Variants in THAP4 observed in about 807,000 individuals in gnomAD.
THAP4 encodes peroxynitrite isomerase THAP4.
A neutral mutation model predicts 48.1 loss-of-function variants in THAP4; 18 were observed. The ratio of observed to expected loss-of-function variants is 0.37; its 90% CI spans 0.26 to 0.56. THAP4 has a LOEUF of 0.56. Ranked by LOEUF, THAP4 falls within the 20% of genes least tolerant of loss-of-function variation. The pLI is 0.78. For synonymous variants in THAP4, 345 were observed against 324.9 expected (o/e 1.06, Z -0.66); for missense variants, 656 against 774.9 (o/e 0.85, Z 1.82).
At chr2:241,593,941 CCA>C (rs1364916852) in intron 5 of THAP4, among the ~76,000 whole-genome samples, 1 of 152,136 alleles carries the variant, frequency 6.6e-6, no homozygotes, top group Non-Finnish European at 1.5e-5. Flanking sequence ...TGCCTCAGCC[CCA>C]CAAAGTGTTG....
rs2067290342 is a variant in THAP4, at chr2:241,612,543, A to T, written c.1241-6070T>A. ...CAACACAGATGTCCGTCAACCAATG[A>T]GTAAACAAACTGCAGTATATCCAGA... On this transcript the variant is annotated intron_variant, in intron 2 of 5. Transcript: ENST00000407315. The surrounding 1 kb of genome is among the most constrained non-coding windows in gnomAD (Gnocchi z 4.1). 6.6e-6 allele frequency among the ~76,000 whole-genome samples: 1 copy of T among 152,270 alleles called. No individual in the cohort carries two copies. Among genetic ancestry groups the T allele is most frequent in the Non-Finnish European group, 1.5e-5 (1 of 68,050 alleles).
chr2:241,631,216 G>A (rs529296359), intron 2 of THAP4, among the ~76,000 whole-genome samples: 1 of 152,062 alleles, frequency 6.6e-6, no homozygotes, highest in Non-Finnish European at 1.5e-5. Context: ...CTTTGTTTTC[G>A]GTTGTGCTAA....
At chr2:241,637,458 A>C, upstream of THAP4, 1 of 1,468,172 alleles carries the variant, frequency 6.8e-7, no homozygotes, top group African/African-American at 1.5e-5. Flanking sequence ...CCCATGGCAC[A>C]CAGTGTCCCG....
At chr2:241,609,183 G>C (rs766666700) in intron 2 of THAP4, among the ~76,000 whole-genome samples, 7 of 152,240 alleles carry the variant, frequency 4.6e-5, no homozygotes, top group Non-Finnish European at 7.3e-5. Flanking sequence ...CAGTGGAAAG[G>C]ACCTAGCTTC....
At chr2:241,621,543 G>C (rs934507512) in intron 2 of THAP4, among the ~76,000 whole-genome samples, 15 of 152,146 alleles carry the variant, frequency 9.9e-5, no homozygotes, top group Middle Eastern at 3.4e-3. Context: ...GATGGATATG[G>C]CTGAAGAAAG....
intron 5 of THAP4, among the ~76,000 whole-genome samples, chr2:241,594,264 G>C (rs900358558): frequency 1.3e-5 from 2 of 152,132 alleles, no homozygotes; most frequent in African/African-American, 4.8e-5. Context: ...GACAGCTAAA[G>C]GGTACCAGGT....
At chr2:241,634,569 A>G (rs2067613562) in intron 1 of THAP4, among the ~76,000 whole-genome samples, 1 of 152,250 alleles carries the variant, frequency 6.6e-6, no homozygotes, top group Non-Finnish European at 1.5e-5. Flanking sequence ...CAAGCAGCTG[A>G]GAATCTGGAG....
In THAP4 at chr2:241,610,164, G is replaced by T. The variant is rs1009049504; in HGVS notation, c.1241-3691C>A. On this transcript the variant is annotated intron_variant, in intron 2 of 5. Coordinates refer to ENST00000407315, the MANE Select transcript of THAP4 (RefSeq NM_015963.6). This position sits in a 1 kb window ranked among gnomAD's most constrained non-coding sequence, Gnocchi z 4.2. ...ACAGGGGCACCAGGGCCGCGGCGCC[G>T]GGCATGGCCTTCACACTCCCCACGA... 6.6e-6 allele frequency among the ~76,000 whole-genome samples: 1 copy of T among 152,194 alleles called. No homozygotes were observed. The highest frequency in any genetic ancestry group is 2.4e-5 in the African/African-American group (1 of 41,460).
At chr2:241,595,413 G>A (rs554500209) in intron 5 of THAP4, among the ~76,000 whole-genome samples, 103 of 152,196 alleles carry the variant, frequency 6.8e-4, no homozygotes, top group African/African-American at 2.4e-3. Context: ...TGAGCTGGGC[G>A]GATCACCTAA....
intron 5 of THAP4, among the ~76,000 whole-genome samples, chr2:241,585,654 C>G (rs1180933390): frequency 6.6e-6 from 1 of 151,906 alleles, no homozygotes. Context: ...GGGGTGGAGG[C>G]TGAGAGGGAT....
chr2:241,611,981 C>T (rs758115855), intron 2 of THAP4, among the ~76,000 whole-genome samples: 10 of 152,112 alleles, frequency 6.6e-5, no homozygotes, highest in Admixed American at 1.3e-4. Context: ...CGGTTCACTG[C>T]GGCCTAGACC....
At position 241,631,217 on chromosome 2, in the gene THAP4, G is replaced by T. The variant is rs572028079; in HGVS notation, c.1240+1700C>A. ...ACATGTCGGATGGGCTTTGTTTTCGGTTGTGCTAATAGCTGTTACCCTGAG... is the reference window on the plus strand; with the variant it reads ...ACATGTCGGATGGGCTTTGTTTTCGTTTGTGCTAATAGCTGTTACCCTGAG... On this transcript the variant is annotated intron_variant, in intron 2 of 5. Transcript: ENST00000407315. 2.6e-5 allele frequency among the ~76,000 whole-genome samples: 4 copies of T among 152,248 alleles called. No homozygotes were observed. In the East Asian group the frequency reaches 7.7e-4, roughly 29 times the overall value.
In THAP4 at chr2:241,610,341, C is replaced by G. The variant is rs1295678889; in HGVS notation, c.1241-3868G>C. 6.6e-6 allele frequency among the ~76,000 whole-genome samples: 1 copy of G among 152,196 alleles called. No homozygotes were observed. The highest frequency in any genetic ancestry group is 6.5e-5 in the Admixed American group (1 of 15,286). On this transcript the variant is annotated intron_variant, in intron 2 of 5. Coordinates refer to ENST00000407315, the MANE Select transcript of THAP4 (RefSeq NM_015963.6). This position sits in a 1 kb window ranked among gnomAD's most constrained non-coding sequence, Gnocchi z 4.2. The stretch of plus-strand genomic sequence containing the variant: ...CCGCCCTCTCTTGCGCCTGCGGGAC[C>G]GGGAGGGCCGCGCTCGCCCCCCAGC...
At chr2:241,618,972 T>A (rs2067379031) in intron 2 of THAP4, among the ~76,000 whole-genome samples, 1 of 152,096 alleles carries the variant, frequency 6.6e-6, no homozygotes, top group Non-Finnish European at 1.5e-5. Flanking sequence ...GGGAAGGGCA[T>A]TTCACTGCTC....
At chr2:241,600,494 G>A (rs1358342680) in intron 5 of THAP4, among the ~76,000 whole-genome samples, 7 of 152,212 alleles carry the variant, frequency 4.6e-5, no homozygotes, top group Admixed American at 2.0e-4. Flanking sequence ...TTGGGAGGCC[G>A]AGGCAGGTGG....
At position 241,632,843 on chromosome 2, in the gene THAP4, G is replaced by A; in HGVS notation, c.1240+74C>T. On this transcript the variant is annotated intron_variant, in intron 2 of 5. Transcript: ENST00000407315. ...GTGACACCTCCCAGAAATGCTCAGG[G>A]GACGCTGGCCACCTTGCAGAGAAAC... 5 of 1,223,148 alleles carry A rather than the reference G, an allele frequency of 4.1e-6. No individual in the cohort carries two copies. In the South Asian group the frequency reaches 6.2e-5, roughly 15 times the overall value. 75.8% of individuals were successfully genotyped at this position (1,223,148 alleles called of 1,614,324 possible).
chr2:241,615,958 G>A (rs2067339980), intron 2 of THAP4, among the ~76,000 whole-genome samples: 1 of 152,172 alleles, frequency 6.6e-6, no homozygotes, highest in African/African-American at 2.4e-5. Context: ...CGGCTGGCCT[G>A]GAAGCAAGGA....
chr2:241,625,797 CAAAAAAAAAAAAA>C (rs147602587), intron 2 of THAP4, among the ~76,000 whole-genome samples: 6 of 50,156 alleles, frequency 1.2e-4, no homozygotes, highest in African/African-American at 3.7e-4. Flanking sequence ...GACTCCGTCT[CAAAAAAAAAAAAA>C]AAAAAAAAAA....
At chr2:241,596,068 G>A (rs1192685466) in intron 5 of THAP4, among the ~76,000 whole-genome samples, 1 of 152,158 alleles carries the variant, frequency 6.6e-6, no homozygotes. Flanking sequence ...ATGTCCTTCC[G>A]CTGTAATAAG....
Sources: allele counts gnomAD v4.1 joint callset (sites outside exome capture counted in the v4.1 genomes callset), GRCh38; gene constraint gnomAD v4.1.1; non-coding constraint Gnocchi (gnomAD v3.1); transcripts MANE v1.5; gene names NCBI Gene and HGNC (gene_info 2026-07-23, HGNC 2026-07-21).